KCNT2: variants seen among roughly 807,000 people sequenced by gnomAD.
The protein encoded by KCNT2 is potassium sodium-activated channel subfamily T member 2.
Under a neutral mutation model 153.8 loss-of-function variants are expected in KCNT2, and 67 were observed. The ratio of observed to expected loss-of-function variants is 0.44; its 90% CI spans 0.36 to 0.53. The LOEUF is 0.53. Ranked by LOEUF, KCNT2 falls within the 20% of genes least tolerant of loss-of-function variation. The pLI, the probability that KCNT2 is intolerant of heterozygous loss-of-function variation, is 0.00. For missense variants in KCNT2, 975 were observed against 1,354.8 expected, an observed-to-expected ratio of 0.72 and a Z score of 4.40; for synonymous variants, 500 against 458.8, an observed-to-expected ratio of 1.09 and a Z score of -1.15.
intron 1 of KCNT2, among the ~76,000 whole-genome samples, chr1:196,511,730 C>T (rs183310196): frequency 2.0e-5 from 3 of 152,194 alleles, no homozygotes; most frequent in African/African-American, 4.8e-5. Flanking sequence ...TCTGTGCATA[C>T]GGGTCCCTGA....
At chr1:196,565,408 G>T (rs1659986083) in intron 1 of KCNT2, among the ~76,000 whole-genome samples, 3 of 151,432 alleles carry the variant, frequency 2.0e-5, no homozygotes, top group African/African-American at 7.3e-5. Context: ...TAAAAAAATA[G>T]AACTGCCGTG....
intron 14 of KCNT2, among the ~76,000 whole-genome samples, chr1:196,372,468 C>T (rs1174303701): frequency 6.6e-6 from 1 of 151,766 alleles, no homozygotes; most frequent in Admixed American, 6.6e-5. Context: ...ACATTTGTCT[C>T]TTTAAATAAG....
intron 1 of KCNT2, among the ~76,000 whole-genome samples, chr1:196,502,084 T>C (rs1223759142): frequency 6.6e-6 from 1 of 152,178 alleles, no homozygotes; most frequent in Non-Finnish European, 1.5e-5. Context: ...GCCACTGCAC[T>C]ACAGCCCAGG....
chr1:196,319,670 A>G (rs533840847), intron 19 of KCNT2, 115 bp from the exon 20 acceptor site: 83 of 520,458 alleles, frequency 1.6e-4, no homozygotes, highest in Middle Eastern at 8.6e-4. Context: ...ACTGCTGACA[A>G]AATTAATTTT....
intron 18 of KCNT2, among the ~76,000 whole-genome samples, chr1:196,327,835 G>GT (rs1258875513): frequency 2.6e-5 from 4 of 151,322 alleles, no homozygotes; most frequent in African/African-American, 9.7e-5. Context: ...CTCGACTAAT[G>GT]TTTTTGTATT....
chr1:196,410,176 T>C lies in KCNT2; in HGVS notation c.1186-11505A>G, dbSNP rs1004127697. Among the ~76,000 whole-genome samples the C allele has an allele frequency of 2.0e-5, 3 of 151,760 alleles. No homozygotes were observed. In the East Asian group the frequency reaches 5.8e-4, roughly 29 times the overall value. On this transcript the variant is annotated intron_variant, in intron 12 of 27. Coordinates refer to ENST00000294725, the MANE Select transcript of KCNT2 (RefSeq NM_198503.5). ...TTTCGTGTGTGTGTGTGTTTGGTTTTGTTTTTTGCTATTAAGCTATAGAAA... is the reference window on the plus strand; with the variant it reads ...TTTCGTGTGTGTGTGTGTTTGGTTTCGTTTTTTGCTATTAAGCTATAGAAA...
intron 12 of KCNT2, among the ~76,000 whole-genome samples, chr1:196,409,257 C>A (rs1366564987): frequency 6.6e-6 from 1 of 151,110 alleles, no homozygotes; most frequent in Non-Finnish European, 1.5e-5. Flanking sequence ...ATTCTTTGTT[C>A]CCTTTTATTG....
At chr1:196,319,281 T>C (rs1663043670) in intron 20 of KCNT2, among the ~76,000 whole-genome samples, 1 of 151,824 alleles carries the variant, frequency 6.6e-6, no homozygotes, top group African/African-American at 2.4e-5. Flanking sequence ...TGCAGCAAGA[T>C]TTGTTTTAAT....
At chr1:196,441,249 C>T (rs192719541) in intron 8 of KCNT2, among the ~76,000 whole-genome samples, 66 of 151,664 alleles carry the variant, frequency 4.4e-4, no homozygotes, top group Admixed American at 2.2e-3. Flanking sequence ...AAGTATTAGG[C>T]CCCATTTTGC....
chr1:196,588,071 G>A lies in KCNT2; in HGVS notation c.95+20144C>T, dbSNP rs546714795. Among the ~76,000 whole-genome samples the A allele has an allele frequency of 1.2e-4, 19 of 152,096 alleles. No individual in the cohort carries two copies. The South Asian group carries it at 3.5e-3, about 28-fold the overall frequency. On this transcript the variant is annotated intron_variant, in intron 1 of 27. Coordinates refer to ENST00000294725, the MANE Select transcript of KCNT2 (RefSeq NM_198503.5). The stretch of plus-strand genomic sequence containing the variant: ...TTTTCTATCAGCTGAGGCAAAGAAA[G>A]GGGCAAATTCTCTTTTATTGTTAAC...
chr1:196,469,075 A>G lies in KCNT2; in HGVS notation c.385-7T>C. 6.4e-7 allele frequency: 1 copy of G among 1,566,264 alleles called. No individual in the cohort carries two copies. Among genetic ancestry groups the G allele is most frequent in the Non-Finnish European group, 8.7e-7 (1 of 1,143,440 alleles). On this transcript the variant is annotated splice_polypyrimidine_tract_variant and splice_region_variant and intron_variant, in intron 5 of 27. Transcript: ENST00000294725. ...TCTGTTCCCAGATGTTTCCCTTCCA[A>G]GAAAGAATGAATAAAAACGAAAGTC...
At chr1:196,396,743 A>G (rs920353105) in intron 13 of KCNT2, among the ~76,000 whole-genome samples, 1 of 151,656 alleles carries the variant, frequency 6.6e-6, no homozygotes, top group Non-Finnish European at 1.5e-5. Flanking sequence ...AATGGTTGGG[A>G]TAGAATTTGT....
At position 196,456,909 on chromosome 1, in the gene KCNT2, G is replaced by T. The variant is rs1423120026; in HGVS notation, c.638+8384C>A. 3.3e-5 allele frequency among the ~76,000 whole-genome samples: 5 copies of T among 151,944 alleles called. No individual in the cohort carries two copies. In the East Asian group the frequency reaches 9.7e-4, roughly 29 times the overall value. On this transcript the variant is annotated intron_variant, in intron 8 of 27. Coordinates refer to ENST00000294725, the MANE Select transcript of KCNT2 (RefSeq NM_198503.5). ...GTTAAACCAAAGAATACATATTAGT[G>T]TATGAATGTGGATGTTAATGCATAA...
At chr1:196,557,352 C>T (rs1658814886) in intron 1 of KCNT2, among the ~76,000 whole-genome samples, 1 of 151,216 alleles carries the variant, frequency 6.6e-6, no homozygotes, top group Non-Finnish European at 1.5e-5. Flanking sequence ...CAAAATTCAA[C>T]TTTTCTAGAA....
chr1:196,228,887 A>C (rs1653704478), intron 27 of KCNT2, among the ~76,000 whole-genome samples: 1 of 152,144 alleles, frequency 6.6e-6, no homozygotes, highest in Non-Finnish European at 1.5e-5. Flanking sequence ...AACAAATGTT[A>C]TAGTGAATAT....
chr1:196,597,199 C>G (rs1458418282), intron 1 of KCNT2, among the ~76,000 whole-genome samples: 1 of 151,902 alleles, frequency 6.6e-6, no homozygotes, highest in Admixed American at 6.6e-5. Flanking sequence ...ATTTACATAT[C>G]AGGTTCTCAA....
chr1:196,284,248 A>AAAAAAAAAAATAT, intron 23 of KCNT2, among the ~76,000 whole-genome samples: 1 of 10,050 alleles, frequency 1.0e-4, no homozygotes, highest in African/African-American at 1.4e-4. Flanking sequence ...AAAAAAAAAA[A>AAAAAAAAAAATAT]ATATATATAT....
chr1:196,230,381 A>G (rs1324162040), intron 27 of KCNT2, among the ~76,000 whole-genome samples: 2 of 152,086 alleles, frequency 1.3e-5, no homozygotes, highest in East Asian at 3.9e-4. Flanking sequence ...TTGAGACTTA[A>G]CACTTAAAAA....
chr1:196,546,069 T>C (rs1657053009), intron 1 of KCNT2, among the ~76,000 whole-genome samples: 1 of 152,082 alleles, frequency 6.6e-6, no homozygotes, highest in South Asian at 2.1e-4. Flanking sequence ...TAAATCTATG[T>C]ATAACCTTTG....
Sources: allele counts gnomAD v4.1 joint callset (sites outside exome capture counted in the v4.1 genomes callset), GRCh38; gene constraint gnomAD v4.1.1; transcripts MANE v1.5; gene names NCBI Gene and HGNC (gene_info 2026-07-23, HGNC 2026-07-21).